Variants in PPA2 observed in about 807,000 individuals in gnomAD.
PPA2 encodes the protein inorganic pyrophosphatase 2, mitochondrial.
Under a neutral mutation model 49.5 loss-of-function variants are expected in PPA2, and 48 were observed. That is an observed-to-expected ratio of 0.97 (90% CI 0.77 to 1.23). PPA2 has a LOEUF of 1.23. PPA2 is among the 50% of genes most tolerant of loss of function. The pLI is 0.00. For missense variants in PPA2, 429 were observed against 410.1 expected, an observed-to-expected ratio of 1.05 and a Z score of -0.40; for synonymous variants, 131 against 139.9, an observed-to-expected ratio of 0.94 and a Z score of 0.45.
At chr4:105,424,057 T>C (rs1253011852) in intron 7 of PPA2, 139 bp downstream of exon 7, 3 of 861,854 alleles carry the variant, frequency 3.5e-6, no homozygotes, top group African/African-American at 1.8e-5. Flanking sequence ...TCATTTAAAA[T>C]ATAATTTGTC....
intron 9 of PPA2, among the ~76,000 whole-genome samples, chr4:105,390,859 C>A (rs916908609): frequency 6.6e-6 from 1 of 152,138 alleles, no homozygotes; most frequent in African/African-American, 2.4e-5. Context: ...AAATATAAAT[C>A]ATTCTACTAT....
chr4:105,433,701 C>T (rs1578857158), intron 6 of PPA2, among the ~76,000 whole-genome samples: 1 of 152,190 alleles, frequency 6.6e-6, no homozygotes, highest in South Asian at 2.1e-4. Context: ...CTGTCTGTTC[C>T]TTTCCCATTC....
chr4:105,401,009 T>C (rs545794538), intron 7 of PPA2, among the ~76,000 whole-genome samples: 2 of 152,272 alleles, frequency 1.3e-5, no homozygotes, highest in Non-Finnish European at 2.9e-5. Context: ...TACAGTAAGA[T>C]ATTTAAACAT....
chr4:105,415,509 C>T (rs1408123532), intron 7 of PPA2, among the ~76,000 whole-genome samples: 2 of 152,168 alleles, frequency 1.3e-5, no homozygotes, highest in Admixed American at 1.3e-4. Flanking sequence ...TGGGGAGAGG[C>T]CAGGCAGCAG....
chr4:105,446,350 AG>A (rs1375559262), intron 5 of PPA2, 32 bp downstream of exon 5: 2 of 1,526,128 alleles, frequency 1.3e-6, no homozygotes, highest in African/African-American at 2.8e-5. Flanking sequence ...TTCAGAAGAC[AG>A]GAACATTTTA....
At chr4:105,386,757 AACTG>A (rs1733702686) in intron 9 of PPA2, 121 bp from the exon 10 acceptor site, 2 of 712,046 alleles carry the variant, frequency 2.8e-6, no homozygotes, top group African/African-American at 1.8e-5. Context: ...AATGAATAGA[AACTG>A]AATGAATAAA....
At chr4:105,388,853 G>GCC in intron 9 of PPA2, among the ~76,000 whole-genome samples, 1 of 140,432 alleles carries the variant, frequency 7.1e-6, no homozygotes, top group East Asian at 2.1e-4. Flanking sequence ...AAAAAAATTA[G>GCC]CTGTTTTAAG....
At chr4:105,374,668 A>C (rs1384921766) in intron 10 of PPA2, among the ~76,000 whole-genome samples, 1 of 152,316 alleles carries the variant, frequency 6.6e-6, no homozygotes, top group East Asian at 1.9e-4. Context: ...CAAATGAACA[A>C]ACATGACACA....
rs1246209213 is a variant in PPA2, at chr4:105,422,213, T to C, written c.655+1983A>G. Among the ~76,000 whole-genome samples the C allele has an allele frequency of 2.0e-5, 3 of 152,188 alleles. No homozygotes were observed. In the East Asian group the frequency reaches 5.8e-4, roughly 29 times the overall value. On this transcript the variant is annotated intron_variant, in intron 7 of 11. Transcript: ENST00000341695. ...AAAAACATATTATGAATAAGAATTG[T>C]TGTATTTTTCATGATGAAAATAATA...
intron 9 of PPA2, among the ~76,000 whole-genome samples, chr4:105,395,359 A>G (rs1415397406): frequency 6.6e-6 from 1 of 152,052 alleles, no homozygotes; most frequent in Non-Finnish European, 1.5e-5. Context: ...TCGTATTCAT[A>G]GTGTTATCTT....
intron 4 of PPA2, among the ~76,000 whole-genome samples, chr4:105,447,538 C>T (rs577215699): frequency 1.3e-3 from 193 of 152,022 alleles, no homozygotes; most frequent in African/African-American, 4.6e-3. Flanking sequence ...GTTCTCACCA[C>T]AAAAAATGGT....
intron 7 of PPA2, among the ~76,000 whole-genome samples, chr4:105,413,918 A>G (rs1375166469): frequency 2.6e-5 from 4 of 152,246 alleles, no homozygotes; most frequent in Admixed American, 2.0e-4. Flanking sequence ...TCTGTAAGCC[A>G]AAAGTCAATA....
intron 7 of PPA2, among the ~76,000 whole-genome samples, chr4:105,414,687 G>A (rs1322611160): frequency 2.0e-5 from 3 of 152,198 alleles, no homozygotes; most frequent in Non-Finnish European, 4.4e-5. Flanking sequence ...TCCCTGAAGG[G>A]GCCCAGCTCT....
At chr4:105,431,102 A>G (rs2110280698) in intron 6 of PPA2, among the ~76,000 whole-genome samples, 1 of 152,298 alleles carries the variant, frequency 6.6e-6, no homozygotes, top group East Asian at 1.9e-4. Context: ...TGTCAAAGGA[A>G]GAGATTACAA....
chr4:105,382,126 T>C (rs1163562985), intron 10 of PPA2, among the ~76,000 whole-genome samples: 2 of 152,116 alleles, frequency 1.3e-5, no homozygotes. Flanking sequence ...TAGTTTTAAA[T>C]ATAAATTATT....
chr4:105,449,500 C>T (rs939064997), intron 3 of PPA2, 97 bp from the exon 4 acceptor site: 4 of 682,878 alleles, frequency 5.9e-6, no homozygotes, highest in Non-Finnish European at 9.5e-6. Context: ...TGTTTTCCCC[C>T]GACAAAAAAA....
intron 4 of PPA2, among the ~76,000 whole-genome samples, chr4:105,449,017 G>C (rs1722539348): frequency 7.9e-6 from 1 of 126,254 alleles, no homozygotes; most frequent in Non-Finnish European, 1.6e-5. Flanking sequence ...AGGAGATCGA[G>C]ACCATCCCGG....
At chr4:105,424,982 G>C (rs2713840) in intron 6 of PPA2, among the ~76,000 whole-genome samples, 51,654 of 152,006 alleles carry the variant, frequency 0.34, 10,513 homozygotes, top group East Asian at 0.67. Flanking sequence ...TTTACCACAA[G>C]GGGCATTCAT....
chr4:105,403,102 C>T (rs930153199), intron 7 of PPA2, among the ~76,000 whole-genome samples: 1 of 152,058 alleles, frequency 6.6e-6, no homozygotes, highest in East Asian at 1.9e-4. Context: ...CGGCTCACTG[C>T]AACCTTGACT....
Sources: gnomAD v4.1 joint callset for allele counts (sites outside exome capture counted in the v4.1 genomes callset) on GRCh38, gnomAD v4.1.1 for gene constraint, MANE v1.5 for transcripts, NCBI Gene and HGNC (gene_info 2026-07-23, HGNC 2026-07-21) for gene names.